Variants in CD226 observed in about 807,000 individuals in gnomAD.
CD226 encodes the protein CD226 antigen.
CD226 carries 24 observed loss-of-function variants against 34.9 expected under a neutral mutation model. That is an observed-to-expected ratio of 0.69 (90% CI 0.50 to 0.97). The LOEUF is 0.97. Ranked by LOEUF, CD226 falls within the 50% of genes least tolerant of loss-of-function variation. The pLI is 0.00. For missense variants in CD226, 397 were observed against 412.7 expected (o/e 0.96, Z 0.33); for synonymous variants, 148 against 147.4 (o/e 1.00, Z -0.03).
At chr18:69,903,777 C>A (rs2055216419) in intron 2 of CD226, among the ~76,000 whole-genome samples, 1 of 152,146 alleles carries the variant, frequency 6.6e-6, no homozygotes, top group Non-Finnish European at 1.5e-5. Context: ...CCTCTCCTTG[C>A]AACCCCCAGA....
chr18:69,953,693 T>G (rs1339411436), intron 1 of CD226, among the ~76,000 whole-genome samples: 1 of 152,204 alleles, frequency 6.6e-6, no homozygotes, highest in South Asian at 2.1e-4. Context: ...ACCACTGAAC[T>G]GTATATTTTA....
intron 4 of CD226, among the ~76,000 whole-genome samples, chr18:69,867,613 T>G (rs964003841): frequency 2.0e-5 from 3 of 152,196 alleles, no homozygotes; most frequent in African/African-American, 4.8e-5. Flanking sequence ...TCCCAGATGG[T>G]GAGGGCAACT....
intron 1 of CD226, among the ~76,000 whole-genome samples, chr18:69,953,954 T>C (rs1285687131): frequency 6.6e-6 from 1 of 151,024 alleles, no homozygotes; most frequent in South Asian, 2.1e-4. Flanking sequence ...GAGCTGAGAT[T>C]GTGCCACTGC....
rs576941211 is a variant in CD226 at position 69,919,622 on chromosome 18, T to A, written c.383-23577A>T. ...GAAGAGACAAAACATAATATCTGTC[T>A]GTGAAGTAAATGGCACCAGGCAAAG... On this transcript the variant is annotated intron_variant, in intron 2 of 5. Coordinates refer to ENST00000582621, the MANE Select transcript of CD226 (RefSeq NM_001303618.2). Among the ~76,000 whole-genome samples, 8 of 152,286 alleles carry A rather than the reference T, an allele frequency of 5.3e-5. No individual in the cohort carries two copies. In the South Asian group the frequency reaches 1.7e-3, roughly 32 times the overall value.
intron 2 of CD226, among the ~76,000 whole-genome samples, chr18:69,902,523 C>G (rs906282286): frequency 1.3e-5 from 2 of 151,364 alleles, no homozygotes; most frequent in Admixed American, 6.6e-5. Flanking sequence ...TCTGACCTCC[C>G]TCTGCTATCT....
chr18:69,934,346 T>C (rs1455323377), intron 2 of CD226, among the ~76,000 whole-genome samples: 4 of 151,524 alleles, frequency 2.6e-5, no homozygotes, highest in Non-Finnish European at 5.9e-5. Flanking sequence ...ATTCTGGAAA[T>C]ATCGGTGTTG....
intron 2 of CD226, among the ~76,000 whole-genome samples, chr18:69,912,920 C>T (rs1434568342): frequency 3.9e-5 from 6 of 152,190 alleles, no homozygotes; most frequent in Non-Finnish European, 7.3e-5. Context: ...AGGAACCACA[C>T]AGCACAACCA....
At chr18:69,911,993 C>A (rs1017180448) in intron 2 of CD226, among the ~76,000 whole-genome samples, 1 of 152,056 alleles carries the variant, frequency 6.6e-6, no homozygotes, top group Non-Finnish European at 1.5e-5. Flanking sequence ...TATATCTATT[C>A]AAAATGTTTC....
At chr18:69,924,421 A>C (rs1418522419) in intron 2 of CD226, among the ~76,000 whole-genome samples, 6 of 152,154 alleles carry the variant, frequency 3.9e-5, no homozygotes, top group Admixed American at 3.9e-4. Flanking sequence ...CTAGAAAGGC[A>C]AAGTCAAAAG....
intron 2 of CD226, among the ~76,000 whole-genome samples, chr18:69,899,708 C>A (rs546286365): frequency 6.6e-6 from 1 of 151,820 alleles, no homozygotes. Flanking sequence ...TACAGAAAGG[C>A]AAACCAAAAT....
At chr18:69,896,372 G>A (rs1330643609) in intron 2 of CD226, among the ~76,000 whole-genome samples, 8 of 151,920 alleles carry the variant, frequency 5.3e-5, no homozygotes, top group African/African-American at 9.7e-5. Flanking sequence ...TAGTAGAGAC[G>A]GGCTTTCACC....
At chr18:69,883,818 C>A (rs1020838284) in intron 3 of CD226, among the ~76,000 whole-genome samples, 2 of 152,228 alleles carry the variant, frequency 1.3e-5, no homozygotes, top group Non-Finnish European at 2.9e-5. Context: ...GCAACCAACA[C>A]ACTATTTCAC....
At chr18:69,907,539 A>G (rs958777294) in intron 2 of CD226, among the ~76,000 whole-genome samples, 6 of 152,228 alleles carry the variant, frequency 3.9e-5, no homozygotes, top group South Asian at 4.1e-4. Context: ...CGAACTCCTG[A>G]TCTCAAGTGG....
chr18:69,901,449 A>G (rs1230300532), intron 2 of CD226, among the ~76,000 whole-genome samples: 1 of 152,150 alleles, frequency 6.6e-6, no homozygotes, highest in Non-Finnish European at 1.5e-5. Context: ...GGAAAGAGAG[A>G]GTGTGAGAAA....
chr18:69,886,373 G>C (rs74546971), intron 3 of CD226, among the ~76,000 whole-genome samples: 6,649 of 152,242 alleles, frequency 0.044, 237 homozygotes, highest in Non-Finnish European at 0.058. Flanking sequence ...GTAATTCTTA[G>C]AACAGCTACT....
At chr18:69,881,315 T>C (rs1410096283) in intron 3 of CD226, among the ~76,000 whole-genome samples, 1 of 152,218 alleles carries the variant, frequency 6.6e-6, no homozygotes, top group Non-Finnish European at 1.5e-5. Flanking sequence ...ATACAAAGTT[T>C]TGACCTTCTA....
intron 4 of CD226, among the ~76,000 whole-genome samples, chr18:69,872,895 A>C (rs907954979): frequency 2.0e-5 from 3 of 152,152 alleles, no homozygotes; most frequent in African/African-American, 7.2e-5. Context: ...GGAGGAAGAC[A>C]GGGCAGGATA....
At chr18:69,914,608 C>A (rs987713417) in intron 2 of CD226, among the ~76,000 whole-genome samples, 12 of 152,114 alleles carry the variant, frequency 7.9e-5, no homozygotes, top group Non-Finnish European at 1.5e-4. Flanking sequence ...TTTGGCCCTC[C>A]TTCTAATTGA....
intron 3 of CD226, among the ~76,000 whole-genome samples, chr18:69,880,653 CTTT>C (rs33978545): frequency 7.2e-6 from 1 of 138,314 alleles, no homozygotes; most frequent in Admixed American, 7.3e-5. Flanking sequence ...CTTAAGATTT[CTTT>C]TTTTTTTTTT....
Sources: allele counts gnomAD v4.1 joint callset (sites outside exome capture counted in the v4.1 genomes callset), GRCh38; gene constraint gnomAD v4.1.1; transcripts MANE v1.5; gene names NCBI Gene and HGNC (gene_info 2026-07-23, HGNC 2026-07-21).